The following DST variants were observed in gnomAD, a reference collection of about 807,000 sequenced individuals.
The protein encoded by DST is bullous pemphigoid antigen.
Under a neutral mutation model 875.2 loss-of-function variants are expected in DST, and 253 were observed. The ratio of observed to expected loss-of-function variants is 0.29; its 90% CI spans 0.26 to 0.32. The LOEUF (loss-of-function observed/expected upper bound fraction) is 0.32. Ranked by LOEUF, DST falls within the 10% of genes least tolerant of loss-of-function variation. The pLI is 1.00. For missense variants in DST, 8,287 were observed against 9,111.6 expected (o/e 0.91, Z 3.68); for synonymous variants, 3,124 against 3,197.1 (o/e 0.98, Z 0.77).
intron 61 of DST, among the ~76,000 whole-genome samples, chr6:56,547,074 G>C (rs1361763649): frequency 6.6e-6 from 1 of 152,164 alleles, no homozygotes; most frequent in Non-Finnish European, 1.5e-5. Context: ...GACATAAAGG[G>C]CCGTAGCATT....
At chr6:56,553,931 T>C (rs1044455767) in intron 60 of DST, among the ~76,000 whole-genome samples, 11 of 152,102 alleles carry the variant, frequency 7.2e-5, no homozygotes, top group Admixed American at 7.2e-4. Context: ...TGCATCAAGG[T>C]GCAGGGAGTG....
At chr6:56,627,589 C>T (rs989977206) in intron 33 of DST, among the ~76,000 whole-genome samples, 2 of 152,146 alleles carry the variant, frequency 1.3e-5, no homozygotes, top group African/African-American at 4.8e-5. Flanking sequence ...AGATGATTGG[C>T]CCCTAAGATA....
chr6:56,585,900 A>T (rs889873821), intron 49 of DST, among the ~76,000 whole-genome samples: 115 of 152,012 alleles, frequency 7.6e-4, no homozygotes, highest in African/African-American at 2.6e-3. Flanking sequence ...TGCAGTTGAG[A>T]GGTTTTGAGT....
At chr6:56,642,860 CTCTACT>C in intron 15 of DST, 1 of 1,606,230 alleles carries the variant, frequency 6.2e-7, no homozygotes, top group Non-Finnish European at 8.5e-7. Flanking sequence ...CTGGAAAAAG[CTCTACT>C]TCTAACGGTG....
rs1395685012 is a variant in DST, at chr6:56,616,373, A to G, written c.4930-1889T>C. On this transcript the variant is annotated intron_variant, in intron 36 of 103. Transcript: ENST00000680361. ...TTGCTGCCCTGAAAGTTCAAGATAT[A>G]TACTTTTCTCAATCAGGTTTCTCTG... 3.7e-6 allele frequency: 6 copies of G among 1,613,742 alleles called. No individual in the cohort carries two copies. The highest frequency in any genetic ancestry group is 5.1e-6 in the Non-Finnish European group (6 of 1,180,012).
chr6:56,600,955 G>A (rs753427824), intron 44 of DST, among the ~76,000 whole-genome samples: 23 of 151,974 alleles, frequency 1.5e-4, no homozygotes, highest in Non-Finnish European at 1.5e-4. Flanking sequence ...GCAGGTAAGC[G>A]CTATTGTTAT....
chr6:56,634,429 C>G, intron 26 of DST, 33 bp downstream of exon 26: 1 of 1,612,368 alleles, frequency 6.2e-7, no homozygotes, highest in Non-Finnish European at 8.5e-7. Context: ...GCCCCCAAAA[C>G]TAGCTCAACA....
chr6:56,625,527 A>G (rs1053089562), intron 34 of DST, among the ~76,000 whole-genome samples: 8 of 152,094 alleles, frequency 5.3e-5, no homozygotes, highest in African/African-American at 1.9e-4. Flanking sequence ...AAAAATACCT[A>G]TCGCCTAGTG....
chr6:56,897,079 T>C (rs530400458), intron 3 of DST, among the ~76,000 whole-genome samples: 2 of 152,330 alleles, frequency 1.3e-5, no homozygotes, highest in South Asian at 2.1e-4. Flanking sequence ...GTTATTTCTA[T>C]AATTTTTATA....
Position 56,604,843 on chromosome 6 carries a change from T to A in DST, c.9785A>T (p.Gln3262Leu), listed in dbSNP as rs774912283. 1.2e-5 allele frequency: 20 copies of A among 1,612,670 alleles called. No homozygotes were observed. Among genetic ancestry groups the A allele is most frequent in the Admixed American group, 5.0e-5 (3 of 59,822 alleles). Residue 3262 changes from glutamine (Q) to leucine (L), a missense_variant, in exon 40 of 104, where the codon CAG becomes CTG. Coordinates refer to ENST00000680361, the MANE Select transcript of DST (RefSeq NM_001374736.1). Reference protein sequence around the residue: ...SISGGGTEISQFTPESIEATL... With the variant: ...SISGGGTEISLFTPESIEATL... ...GGCTTCAATACTTTCTGGTGTGAAC[T>A]GAGAAATTTCTGTTCCTCCTCCTGA...
At chr6:56,725,061 C>A (rs2099444594) in intron 5 of DST, among the ~76,000 whole-genome samples, 1 of 152,086 alleles carries the variant, frequency 6.6e-6, no homozygotes, top group South Asian at 2.1e-4. Flanking sequence ...GGGCACTATT[C>A]TTATCTGTTT....
intron 99 of DST, among the ~76,000 whole-genome samples, chr6:56,465,662 C>CA (rs1166718714): frequency 6.6e-6 from 1 of 151,988 alleles, no homozygotes; most frequent in Non-Finnish European, 1.5e-5. Context: ...CTCTTCATTT[C>CA]ATAAAAACTT....
chr6:56,899,813 G>A (rs952353127), intron 3 of DST, among the ~76,000 whole-genome samples: 1 of 152,188 alleles, frequency 6.6e-6, no homozygotes, highest in Non-Finnish European at 1.5e-5. Flanking sequence ...GCTCCTAGTT[G>A]AGCCCTGAGT....
At chr6:56,758,857 T>A (rs1276224858) in intron 4 of DST, among the ~76,000 whole-genome samples, 1 of 152,120 alleles carries the variant, frequency 6.6e-6, no homozygotes, top group Non-Finnish European at 1.5e-5. Flanking sequence ...GACATAACCA[T>A]GAAAGTCATG....
chr6:56,562,034 C>A, intron 56 of DST, 104 bp downstream of exon 56: 1 of 604,030 alleles, frequency 1.7e-6, no homozygotes, highest in Non-Finnish European at 2.7e-6. Flanking sequence ...CATTGTAATT[C>A]AGGCTTGAAA....
intron 99 of DST, 138 bp from the exon 100 acceptor site, chr6:56,464,894 G>C: frequency 3.1e-6 from 2 of 654,034 alleles, no homozygotes; most frequent in Non-Finnish European, 5.3e-6. Context: ...AGTTGCATCA[G>C]GAAAAGAAGC....
At chr6:56,631,060 G>T in intron 30 of DST, 151 bp downstream of exon 30, 1 of 260,672 alleles carries the variant, frequency 3.8e-6, no homozygotes, top group Non-Finnish European at 6.3e-6. Flanking sequence ...TGGGATTACC[G>T]GCATGAGCCA....
chr6:56,846,761 T>C (rs2099807580), intron 4 of DST, among the ~76,000 whole-genome samples: 1 of 152,070 alleles, frequency 6.6e-6, no homozygotes, highest in Non-Finnish European at 1.5e-5. Context: ...ACTAGTACTT[T>C]GGGAGGCCAA....
intron 4 of DST, among the ~76,000 whole-genome samples, chr6:56,815,790 A>G (rs1407605478): frequency 3.7e-5 from 5 of 135,212 alleles, no homozygotes; most frequent in South Asian, 2.6e-4. Context: ...GCCAATAATT[A>G]CCCAAACAAT....
Sources: gnomAD v4.1 joint callset for allele counts (sites outside exome capture counted in the v4.1 genomes callset) on GRCh38, gnomAD v4.1.1 for gene constraint, MANE v1.5 for transcripts, NCBI Gene and HGNC (gene_info 2026-07-23, HGNC 2026-07-21) for gene names.